Variants in ENPP6 observed in about 807,000 individuals in gnomAD.
The protein encoded by ENPP6 is ectonucleotide pyrophosphatase/phosphodiesterase 6, also known as glycerophosphocholine cholinephosphodiesterase ENPP6.
ENPP6 carries 32 observed loss-of-function variants against 42.0 expected under a neutral mutation model. The observed-to-expected ratio is 0.76, with a 90% CI of 0.58 to 1.02. The LOEUF is 1.02. ENPP6 is among the 50% of genes least tolerant of loss of function. The pLI, the probability that ENPP6 is intolerant of heterozygous loss-of-function variation, is 0.00. For missense variants in ENPP6, 552 were observed against 566.8 expected (o/e 0.97, Z 0.27); for synonymous variants, 213 against 216.0 (o/e 0.99, Z 0.12).
At chr4:184,181,330 A>G (rs192175959) in intron 1 of ENPP6, among the ~76,000 whole-genome samples, 11 of 152,326 alleles carry the variant, frequency 7.2e-5, no homozygotes, top group Admixed American at 1.3e-4. Flanking sequence ...TTCAAAGAGA[A>G]CTACAAACCA....
intron 1 of ENPP6, among the ~76,000 whole-genome samples, chr4:184,203,216 A>G (rs1732933651): frequency 6.6e-6 from 1 of 152,244 alleles, no homozygotes; most frequent in African/African-American, 2.4e-5. Flanking sequence ...GTGCCACTGC[A>G]CTCCAGCCTG....
intron 7 of ENPP6, among the ~76,000 whole-genome samples, chr4:184,096,742 G>A (rs756697617): frequency 7.2e-5 from 11 of 152,132 alleles, no homozygotes; most frequent in Non-Finnish European, 1.2e-4. Flanking sequence ...TCAGGCTCAA[G>A]GTCATTTCCG....
intron 1 of ENPP6, among the ~76,000 whole-genome samples, chr4:184,190,212 C>T (rs10520558): frequency 0.065 from 9,863 of 152,218 alleles, 1,020 homozygotes; most frequent in African/African-American, 0.22. Context: ...GTTGTTTAAA[C>T]CACCAGAGTA....
chr4:184,197,741 A>G (rs1041725887), intron 1 of ENPP6, among the ~76,000 whole-genome samples: 4 of 152,228 alleles, frequency 2.6e-5, no homozygotes, highest in Admixed American at 6.5e-5. Context: ...ATATAGTTTT[A>G]GTGTTATATC....
At chr4:184,136,550 T>C (rs1736732808) in intron 2 of ENPP6, among the ~76,000 whole-genome samples, 1 of 152,238 alleles carries the variant, frequency 6.6e-6, no homozygotes, top group African/African-American at 2.4e-5. Context: ...GCTATCTCTA[T>C]ATTTTCTATG....
At chr4:184,186,059 T>C (rs754986949) in intron 1 of ENPP6, among the ~76,000 whole-genome samples, 4 of 152,208 alleles carry the variant, frequency 2.6e-5, no homozygotes, top group Admixed American at 2.0e-4. Flanking sequence ...AAGAGAAACC[T>C]ATATTTCTCA....
intron 2 of ENPP6, among the ~76,000 whole-genome samples, chr4:184,130,198 C>T (rs896529703): frequency 2.6e-5 from 4 of 152,038 alleles, no homozygotes; most frequent in African/African-American, 9.7e-5. Flanking sequence ...GCAGCAGCTG[C>T]CTTGAAACTA....
In ENPP6 at chr4:184,117,285, C is replaced by T. The variant is rs564503010; in HGVS notation, c.676-250G>A. 2.2e-4 allele frequency among the ~76,000 whole-genome samples: 34 copies of T among 152,322 alleles called. No individual in the cohort carries two copies. The East Asian group carries it at 4.6e-3, about 21-fold the overall frequency. On this transcript the variant is annotated intron_variant, in intron 4 of 7. Coordinates refer to ENST00000296741, the MANE Select transcript of ENPP6 (RefSeq NM_153343.4). ...AGCACTTTCAGCTTTTTAAGGTCGACGCTCTGCATCTTCTCTGGCTCTTTC... is the reference window on the plus strand; with the variant it reads ...AGCACTTTCAGCTTTTTAAGGTCGATGCTCTGCATCTTCTCTGGCTCTTTC...
intron 1 of ENPP6, among the ~76,000 whole-genome samples, chr4:184,156,338 C>T (rs373043693): frequency 2.6e-5 from 4 of 152,204 alleles, no homozygotes; most frequent in Admixed American, 1.3e-4. Context: ...CAGACTCAAG[C>T]TGATTTCCCT....
chr4:184,091,803 A>G (rs939031351), intron 7 of ENPP6, among the ~76,000 whole-genome samples: 1 of 152,168 alleles, frequency 6.6e-6, no homozygotes. Context: ...GGCTGAGGTA[A>G]GGAGATCACT....
chr4:184,152,732 G>A (rs903740885), intron 2 of ENPP6, among the ~76,000 whole-genome samples: 2 of 152,224 alleles, frequency 1.3e-5, no homozygotes, highest in Admixed American at 6.5e-5. Context: ...CAGTGACCAA[G>A]ATGAGGGTGT....
intron 1 of ENPP6, among the ~76,000 whole-genome samples, chr4:184,167,747 C>A (rs977441632): frequency 3.3e-5 from 5 of 152,170 alleles, no homozygotes; most frequent in African/African-American, 1.2e-4. Flanking sequence ...GAAGTGAGAG[C>A]AGCCTCTCAA....
chr4:184,139,606 G>A (rs201633762), intron 2 of ENPP6, among the ~76,000 whole-genome samples: 4 of 137,818 alleles, frequency 2.9e-5, no homozygotes, highest in Admixed American at 2.2e-4. Flanking sequence ...GAGAATATGC[G>A]GTGTTTGGTT....
At chr4:184,174,305 T>G (rs966688580) in intron 1 of ENPP6, among the ~76,000 whole-genome samples, 1 of 151,904 alleles carries the variant, frequency 6.6e-6, no homozygotes, top group Non-Finnish European at 1.5e-5. Flanking sequence ...GCCTGGCTAA[T>G]TTTTGTATTT....
At chr4:184,199,191 T>C (rs1478266481) in intron 1 of ENPP6, among the ~76,000 whole-genome samples, 61 of 152,184 alleles carry the variant, frequency 4.0e-4, no homozygotes, top group Non-Finnish European at 7.4e-5. Context: ...AGCCGAGGCG[T>C]CTTCTCTCAG....
At chr4:184,091,414 A>C (rs769647924) in intron 7 of ENPP6, 32 bp from the exon 8 acceptor site, 46 of 1,577,398 alleles carry the variant, frequency 2.9e-5, no homozygotes, top group Non-Finnish European at 3.9e-5. Context: ...ACAAGTTGTC[A>C]TGGCAGCTCC....
Position 184,107,582 on chromosome 4 carries a change from C to T in ENPP6, c.993+5090G>A, listed in dbSNP as rs112123080. Among the ~76,000 whole-genome samples, 1,422 of 152,196 alleles carry T rather than the reference C, an allele frequency of 9.3e-3. 24 individuals carry two copies. Among genetic ancestry groups the T allele is most frequent in the African/African-American group, 0.032 (1,334 of 41,512 alleles). ...ACAAGGTCAGGAGTTCGAGACCAGC[C>T]TGGCCAATATGGTGAAACCCCGTCT... is the stretch of plus-strand genomic sequence containing the variant. On this transcript the variant is annotated intron_variant, in intron 6 of 7. Coordinates refer to ENST00000296741, the MANE Select transcript of ENPP6 (RefSeq NM_153343.4).
At chr4:184,112,567 G>A in intron 6 of ENPP6, 105 bp downstream of exon 6, 2 of 1,384,468 alleles carry the variant, frequency 1.4e-6, no homozygotes, top group Non-Finnish European at 1.9e-6. Context: ...CGATGCCTAA[G>A]TGAAAAAATC....
chr4:184,196,968 C>G (rs775556120), intron 1 of ENPP6, among the ~76,000 whole-genome samples: 8 of 152,304 alleles, frequency 5.3e-5, no homozygotes, highest in Middle Eastern at 3.4e-3. Flanking sequence ...AAAGAACAGG[C>G]AAACAGGTGG....
Sources: allele counts gnomAD v4.1 joint callset (sites outside exome capture counted in the v4.1 genomes callset), GRCh38; gene constraint gnomAD v4.1.1; transcripts MANE v1.5; gene names NCBI Gene and HGNC (gene_info 2026-07-23, HGNC 2026-07-21).